Variants in ABCA1 observed in about 807,000 individuals in gnomAD.
ABCA1 encodes the protein ATP binding cassette subfamily A member 1.
In ABCA1, 133 loss-of-function variants were observed where a neutral mutation model predicts 262.5. That is an observed-to-expected ratio of 0.51 (90% CI 0.44 to 0.59). The LOEUF (loss-of-function observed/expected upper bound fraction) is 0.59. ABCA1 is among the 20% of genes least tolerant of loss of function. The pLI, the probability that ABCA1 is intolerant of heterozygous loss-of-function variation, is 0.00. For synonymous variants in ABCA1, 1,022 were observed against 1,043.5 expected, an observed-to-expected ratio of 0.98 and a Z score of 0.40; for missense variants, 2,452 against 2,777.5, an observed-to-expected ratio of 0.88 and a Z score of 2.63.
rs35204915 is a variant in ABCA1, at chr9:104,818,761, G to A, written c.3364C>T (p.Leu1122=). ...VGSSLFLKNQ[L]GTGYYLTLVK... is the part of the protein sequence containing the mutation. ...AAGGTCAGGTAGTAGCCTGTTCCCA[G>A]CTGGTTCTTCAGAAACAGGGAGGAG... The change falls in exon 23 of 50, where the codon CTG becomes TTG. Residue 1122 remains leucine, a synonymous_variant. Transcript: ENST00000374736. 7.6e-3 allele frequency: 12,305 copies of A among 1,613,898 alleles called. 871 individuals carry two copies. In the African/African-American group the frequency reaches 0.15, roughly 19 times the overall value.
At chr9:104,904,953 G>A (rs1246148250) in intron 1 of ABCA1, among the ~76,000 whole-genome samples, 1 of 152,214 alleles carries the variant, frequency 6.6e-6, no homozygotes, top group Non-Finnish European at 1.5e-5. Context: ...TACATTCTGT[G>A]TATCCCAGCC....
intron 5 of ABCA1, among the ~76,000 whole-genome samples, chr9:104,866,778 G>A (rs150447588): frequency 2.0e-4 from 30 of 152,228 alleles, no homozygotes; most frequent in African/African-American, 5.8e-4. Flanking sequence ...ATGAGCCACC[G>A]CGCCCGGCGT....
chr9:104,796,978 A>G (rs1829951695), intron 37 of ABCA1, among the ~76,000 whole-genome samples: 1 of 152,240 alleles, frequency 6.6e-6, no homozygotes, highest in Non-Finnish European at 1.5e-5. Context: ...CACAGCTGGC[A>G]GAGCAAAGCA....
intron 33 of ABCA1, among the ~76,000 whole-genome samples, chr9:104,802,757 C>T (rs376261348): frequency 6.6e-6 from 1 of 152,188 alleles, no homozygotes; most frequent in African/African-American, 2.4e-5. Context: ...TCTTCTGTCC[C>T]CAGTCCCACC....
At position 104,840,373 on chromosome 9, in the gene ABCA1, C is replaced by T; in HGVS notation, c.960G>A (p.Lys320=). 1.2e-6 allele frequency: 2 copies of T among 1,614,192 alleles called. No homozygotes were observed. Among genetic ancestry groups the T allele is most frequent in the Non-Finnish European group, 1.7e-6 (2 of 1,180,042 alleles). Reference sequence around the variant, plus strand: ...TGTTGTCCTCATACCAGTTGAGAGACTTGATCTTCAGCCCCCCTCCCTCGG... The same window carrying T: ...TGTTGTCCTCATACCAGTTGAGAGATTTGATCTTCAGCCCCCCTCCCTCGG... ...GHPEGGGLKI[K]SLNWYEDNNY... Residue 320 remains lysine (K), a synonymous_variant, in exon 9 of 50, where the codon AAG becomes AAA. Coordinates refer to ENST00000374736, the MANE Select transcript of ABCA1 (RefSeq NM_005502.4).
At chr9:104,835,608 C>T (rs1311621228) in intron 11 of ABCA1, among the ~76,000 whole-genome samples, 5 of 152,132 alleles carry the variant, frequency 3.3e-5, no homozygotes, top group Admixed American at 3.3e-4. Context: ...GTATCTACAT[C>T]TCCCCTTGCC....
Position 104,810,924 on chromosome 9 carries a change from T to C in ABCA1, c.4051A>G (p.Ile1351Val). The stretch of plus-strand genomic sequence containing the variant: ...CAGACAAACACAGCTGGCAAGACAA[T>C]CTTTACCCAGGCAGTGGAGGGGGCA... ...RRSRKGFFAQ[I>V]VLPAVFVCIA... The change falls in exon 29 of 50, where the codon ATT (isoleucine) becomes GTT (valine). Residue 1351 changes from isoleucine (I) to valine (V), a missense_variant and splice_region_variant. By Grantham distance (29) the Ile-to-Val change is conservative (BLOSUM62 3). Around this residue, in one of 4 missense-constraint regions of ABCA1, gnomAD observed 665 missense variants for 727.3 expected, o/e 0.91. Transcript: ENST00000374736. 1 of 1,614,006 alleles carries C rather than the reference T, an allele frequency of 6.2e-7. No individual in the cohort carries two copies. Among genetic ancestry groups the C allele is most frequent in the Non-Finnish European group, 8.5e-7 (1 of 1,180,006 alleles).
intron 25 of ABCA1, 121 bp downstream of exon 25, chr9:104,816,022 T>G: frequency 9.2e-7 from 1 of 1,087,758 alleles, no homozygotes; most frequent in Non-Finnish European, 1.4e-6. Flanking sequence ...TAATCAGATG[T>G]CGATGACCTA....
At chr9:104,880,242 G>T (rs1417706285) in intron 5 of ABCA1, among the ~76,000 whole-genome samples, 1 of 152,198 alleles carries the variant, frequency 6.6e-6, no homozygotes, top group Admixed American at 6.5e-5. Flanking sequence ...CTGTGATGGG[G>T]TGTCAGTGCA....
chr9:104,839,472 C>T (rs1005782980), intron 9 of ABCA1, among the ~76,000 whole-genome samples: 1 of 152,136 alleles, frequency 6.6e-6, no homozygotes, highest in African/African-American at 2.4e-5. Flanking sequence ...AATGAGATAA[C>T]TTAAACAGAA....
intron 8 of ABCA1, among the ~76,000 whole-genome samples, chr9:104,842,281 G>A (rs1230773619): frequency 6.6e-6 from 1 of 152,088 alleles, no homozygotes; most frequent in Non-Finnish European, 1.5e-5. Flanking sequence ...TAACCTGTAC[G>A]AGGCATACAG....
chr9:104,879,551 C>T (rs564846101), intron 5 of ABCA1, among the ~76,000 whole-genome samples: 1 of 152,288 alleles, frequency 6.6e-6, no homozygotes, highest in African/African-American at 2.4e-5. Context: ...GATAGGATAG[C>T]ATAGGGAATC....
chr9:104,845,434 C>G (rs377573904), intron 8 of ABCA1, 43 bp downstream of exon 8: 233 of 1,375,570 alleles, frequency 1.7e-4, no homozygotes, highest in Non-Finnish European at 2.3e-4. Context: ...AATACTGATA[C>G]AGTGGATGAT....
chr9:104,844,925 C>T (rs1308551653), intron 8 of ABCA1, among the ~76,000 whole-genome samples: 2 of 152,220 alleles, frequency 1.3e-5, no homozygotes, highest in Non-Finnish European at 2.9e-5. Context: ...ACAGAGATTA[C>T]TCTGATACAT....
At chr9:104,868,173 A>G (rs1837257034) in intron 5 of ABCA1, among the ~76,000 whole-genome samples, 1 of 152,152 alleles carries the variant, frequency 6.6e-6, no homozygotes, top group African/African-American at 2.4e-5. Flanking sequence ...CAGCCTGACC[A>G]ACATGAAGAA....
At chr9:104,907,411 A>C (rs1041159762) in intron 1 of ABCA1, among the ~76,000 whole-genome samples, 1 of 152,078 alleles carries the variant, frequency 6.6e-6, no homozygotes, top group East Asian at 1.9e-4. Context: ...CAGAGCAGAG[A>C]CCATTTCTGT....
At chr9:104,788,405 G>A (rs1244985545) in intron 45 of ABCA1, 21 bp downstream of exon 45, 2 of 1,613,922 alleles carry the variant, frequency 1.2e-6, no homozygotes, top group Admixed American at 1.7e-5. Context: ...AGACAGGCTG[G>A]CTTTCAGGTG....
chr9:104,865,001 C>T (rs1371797830), intron 5 of ABCA1, among the ~76,000 whole-genome samples: 1 of 152,140 alleles, frequency 6.6e-6, no homozygotes, highest in Admixed American at 6.6e-5. Flanking sequence ...GTGGTAGGTT[C>T]GCTGGGTTGG....
In ABCA1 at chr9:104,840,525, G is replaced by C. The variant is rs377680134; in HGVS notation, c.814-6C>G. 1.9e-6 allele frequency: 3 copies of C among 1,608,938 alleles called. No individual in the cohort carries two copies. In the African/African-American group the frequency reaches 4.1e-5, roughly 22 times the overall value. On this transcript the variant is annotated splice_polypyrimidine_tract_variant and splice_region_variant and intron_variant, in intron 8 of 49. Coordinates refer to ENST00000374736, the MANE Select transcript of ABCA1 (RefSeq NM_005502.4). ...CAGCTTCTCATGCTGAACAGCTGGC[G>C]TCAGGGATGGGGACAGAAAGGAGGG...
Sources: gnomAD v4.1 joint callset for allele counts (sites outside exome capture counted in the v4.1 genomes callset) on GRCh38, gnomAD v4.1.1 for gene constraint, gnomAD v4.1.1 regional missense constraint, MANE v1.5 for transcripts, NCBI Gene and HGNC (gene_info 2026-07-23, HGNC 2026-07-21) for gene names.